Variants in ELOC observed in about 807,000 individuals in gnomAD.
ELOC encodes the protein elongin-C.
For synonymous variants in ELOC, 40 were observed against 51.3 expected (o/e 0.78, Z 0.94); for missense variants, 38 against 139.0 (o/e 0.27, Z 3.65).
intron 3 of ELOC, among the ~76,000 whole-genome samples, chr8:73,948,675 T>G (rs1813542106): frequency 6.6e-6 from 1 of 152,238 alleles, no homozygotes; most frequent in Admixed American, 6.5e-5. Flanking sequence ...GCATGGTGGC[T>G]CATGCCTGTA....
chr8:73,956,867 G>C (rs986466090), intron 2 of ELOC, among the ~76,000 whole-genome samples: 2 of 152,058 alleles, frequency 1.3e-5, no homozygotes, highest in Non-Finnish European at 2.9e-5. Context: ...TATGTATTTA[G>C]GCTGGGGGCG....
chr8:73,971,459 T>C (rs1004926996), intron 1 of ELOC, among the ~76,000 whole-genome samples: 1 of 152,136 alleles, frequency 6.6e-6, no homozygotes, highest in Non-Finnish European at 1.5e-5. Context: ...GGAGTAGAAA[T>C]GCTCACGCTA....
intron 3 of ELOC, among the ~76,000 whole-genome samples, chr8:73,952,229 C>A (rs1194217929): frequency 1.3e-5 from 2 of 151,818 alleles, no homozygotes; most frequent in Non-Finnish European, 2.9e-5. Flanking sequence ...CACGGTGAAA[C>A]TCCATCTCCA....
intron 1 of ELOC, among the ~76,000 whole-genome samples, chr8:73,971,186 A>G (rs913127033): frequency 6.6e-5 from 10 of 152,294 alleles, no homozygotes; most frequent in African/African-American, 2.2e-4. Flanking sequence ...GGGGCGGATC[A>G]CTTGAGGTCA....
intron 3 of ELOC, among the ~76,000 whole-genome samples, chr8:73,952,431 T>C (rs1222156113): frequency 6.9e-6 from 1 of 145,890 alleles, no homozygotes; most frequent in Non-Finnish European, 1.5e-5. Flanking sequence ...TATTAATTAA[T>C]TTAAAAAATA....
intron 1 of ELOC, among the ~76,000 whole-genome samples, chr8:73,967,992 T>A (rs893648016): frequency 6.6e-6 from 1 of 152,164 alleles, no homozygotes; most frequent in Admixed American, 6.5e-5. Context: ...CTTCAATCTG[T>A]AAGCACAATT....
intron 3 of ELOC, among the ~76,000 whole-genome samples, chr8:73,950,160 T>C (rs2131073222): frequency 6.6e-6 from 1 of 152,278 alleles, no homozygotes; most frequent in South Asian, 2.1e-4. Context: ...AGAAATCTTA[T>C]TACAGAAAGT....
At chr8:73,962,429 C>T (rs1814667438) in intron 1 of ELOC, among the ~76,000 whole-genome samples, 1 of 152,130 alleles carries the variant, frequency 6.6e-6, no homozygotes, top group African/African-American at 2.4e-5. Flanking sequence ...TTCCCAACAG[C>T]TACTGATGTA....
intron 1 of ELOC, among the ~76,000 whole-genome samples, chr8:73,963,400 G>A (rs531591840): frequency 1.7e-4 from 26 of 152,046 alleles, no homozygotes; most frequent in Non-Finnish European, 3.1e-4. Context: ...TTCTTGTTAG[G>A]TCTACTTTTA....
intron 3 of ELOC, among the ~76,000 whole-genome samples, chr8:73,948,813 C>A (rs1174189004): frequency 2.0e-5 from 3 of 151,086 alleles, no homozygotes; most frequent in East Asian, 3.9e-4. Context: ...CCAGCCTGGG[C>A]AAGACAGAGA....
chr8:73,959,316 T>A (rs1814431732), intron 2 of ELOC, among the ~76,000 whole-genome samples: 1 of 152,200 alleles, frequency 6.6e-6, no homozygotes, highest in Non-Finnish European at 1.5e-5. Context: ...TTCAAGCAAC[T>A]CTCTGGTCTC....
At chr8:73,954,517 T>C (rs546726106) in intron 3 of ELOC, among the ~76,000 whole-genome samples, 1 of 151,760 alleles carries the variant, frequency 6.6e-6, no homozygotes, top group African/African-American at 2.4e-5. Context: ...TAGCCTGGCG[T>C]GTGGTGGGCA....
intron 3 of ELOC, chr8:73,955,697 G>A (rs1036974316): frequency 2.2e-5 from 12 of 547,714 alleles, no homozygotes; most frequent in African/African-American, 1.5e-4. Flanking sequence ...CCCAGCAGGC[G>A]GAGATTGCAG....
intron 1 of ELOC, among the ~76,000 whole-genome samples, chr8:73,964,302 T>C (rs1325416893): frequency 7.0e-6 from 1 of 142,050 alleles, no homozygotes; most frequent in African/African-American, 2.6e-5. Context: ...TATGGAAAAG[T>C]GAGTCAAAGG....
chr8:73,970,238 ACT>A (rs536892179), intron 1 of ELOC, among the ~76,000 whole-genome samples: 205 of 152,290 alleles, frequency 1.3e-3, no homozygotes, highest in African/African-American at 4.6e-3. Context: ...ACAGAGTGAG[ACT>A]CTGACTCAAA....
At chr8:73,947,251 T>G (rs770492502) in intron 3 of ELOC, among the ~76,000 whole-genome samples, 1 of 152,012 alleles carries the variant, frequency 6.6e-6, no homozygotes, top group East Asian at 1.9e-4. Context: ...CCTCCCAAAG[T>G]GCTGGGATTA....
At chr8:73,956,844 A>G (rs1409059454) in intron 2 of ELOC, among the ~76,000 whole-genome samples, 2 of 152,192 alleles carry the variant, frequency 1.3e-5, no homozygotes, top group African/African-American at 2.4e-5. Flanking sequence ...GATGGTTAAA[A>G]ATAATGATCA....
chr8:73,953,260 T>C (rs929817148), intron 3 of ELOC, among the ~76,000 whole-genome samples: 1 of 151,960 alleles, frequency 6.6e-6, no homozygotes, highest in Admixed American at 6.6e-5. Flanking sequence ...GAGTGGAGAC[T>C]GTGCCACTGC....
intron 1 of ELOC, among the ~76,000 whole-genome samples, chr8:73,962,327 G>C (rs1267398933): frequency 1.3e-5 from 2 of 152,154 alleles, no homozygotes; most frequent in African/African-American, 2.4e-5. Context: ...AACCTAGGTA[G>C]GTCTGACTTC....
Sources: allele counts gnomAD v4.1 joint callset (sites outside exome capture counted in the v4.1 genomes callset), GRCh38; gene constraint gnomAD v4.1.1; transcripts MANE v1.5; gene names NCBI Gene and HGNC (gene_info 2026-07-23, HGNC 2026-07-21).